STARD13: variants seen among roughly 807,000 people sequenced by gnomAD.
STARD13 encodes the protein StAR related lipid transfer domain containing 13, also known as stAR-related lipid transfer protein 13.
Under a neutral mutation model 106.4 loss-of-function variants are expected in STARD13, and 62 were observed. The ratio of observed to expected loss-of-function variants is 0.58; its 90% confidence interval spans 0.48 to 0.72. The LOEUF is 0.72. Among genes scored for constraint, STARD13 ranks in the 30% least tolerant of loss-of-function variants. The pLI is 0.00. For synonymous variants in STARD13, 565 were observed against 553.0 expected (o/e 1.02, Z -0.31); for missense variants, 1,387 against 1,424.0 (o/e 0.97, Z 0.42).
chr13:33,386,857 C>T, the STARD13 span, among the ~76,000 whole-genome samples: 5 of 152,034 alleles, frequency 3.3e-5, no homozygotes, highest in Non-Finnish European at 7.4e-5. Context: ...ACCTGCCCTC[C>T]TCACTCTTCT....
At chr13:33,181,271 TACAC>T (rs59405682) in intron 1 of STARD13, among the ~76,000 whole-genome samples, 3 of 142,274 alleles carry the variant, frequency 2.1e-5, no homozygotes, top group Non-Finnish European at 1.5e-5. Flanking sequence ...CACACATACA[TACAC>T]ACACACACAC....
the STARD13 span, among the ~76,000 whole-genome samples, chr13:33,434,508 G>A: frequency 0.016 from 2,376 of 152,202 alleles, 62 homozygotes; most frequent in African/African-American, 0.053. Flanking sequence ...ATATAGGGTT[G>A]TTTTGAGGAC....
the STARD13 span, among the ~76,000 whole-genome samples, chr13:33,633,707 A>T: frequency 6.6e-6 from 1 of 152,214 alleles, no homozygotes; most frequent in Non-Finnish European, 1.5e-5. Context: ...AGGTTTTTTT[A>T]TTCAACAATT....
chr13:33,443,160 C>T, the STARD13 span, among the ~76,000 whole-genome samples: 3 of 152,064 alleles, frequency 2.0e-5, no homozygotes, highest in East Asian at 5.8e-4. Context: ...GGGCGGATCA[C>T]AAGGTCAGGA....
chr13:33,498,438 T>G, the STARD13 span, among the ~76,000 whole-genome samples: 9 of 152,204 alleles, frequency 5.9e-5, no homozygotes, highest in Non-Finnish European at 1.3e-4. Context: ...AATTCGACTT[T>G]TTAAAATATT....
the STARD13 span, among the ~76,000 whole-genome samples, chr13:33,526,448 T>C: frequency 6.6e-6 from 1 of 152,266 alleles, no homozygotes; most frequent in East Asian, 1.9e-4. Flanking sequence ...TCAATACATA[T>C]TTGTTAAATG....
upstream of STARD13, chr13:33,350,679 C>T (rs2078069374): frequency 1.7e-6 from 2 of 1,162,158 alleles, no homozygotes; most frequent in Non-Finnish European, 2.1e-6. Flanking sequence ...TTTCCTTCTC[C>T]TCCCCTCCTC....
At chr13:33,483,688 T>A in the STARD13 span, among the ~76,000 whole-genome samples, 1 of 152,164 alleles carries the variant, frequency 6.6e-6, no homozygotes, top group Non-Finnish European at 1.5e-5. Context: ...TAGTTACATT[T>A]CTTCCCCCAC....
At chr13:33,212,365 C>T (rs1015300575) in intron 1 of STARD13, among the ~76,000 whole-genome samples, 1 of 152,172 alleles carries the variant, frequency 6.6e-6, no homozygotes. Flanking sequence ...GCATGCCTGC[C>T]TTGTTTTCTA....
intron 1 of STARD13, chr13:33,274,091 TC>T (rs1358067393): frequency 2.4e-4 from 3 of 12,414 alleles, no homozygotes; most frequent in African/African-American, 4.3e-4. Context: ...AATCAGTCTG[TC>T]TTTTTTTTTT....
At chr13:33,243,050 G>A (rs906011853) in intron 1 of STARD13, among the ~76,000 whole-genome samples, 3 of 152,168 alleles carry the variant, frequency 2.0e-5, no homozygotes, top group Admixed American at 6.5e-5. Context: ...CTTCCTGGAT[G>A]ATGTGGCTAC....
chr13:33,287,758 T>C (rs144441600), upstream of STARD13, among the ~76,000 whole-genome samples: 3 of 152,300 alleles, frequency 2.0e-5, no homozygotes, highest in Admixed American at 6.5e-5. Context: ...TGGGAGCATC[T>C]GTGTCATAAC....
At chr13:33,472,522 C>A in the STARD13 span, among the ~76,000 whole-genome samples, 1 of 152,126 alleles carries the variant, frequency 6.6e-6, no homozygotes, top group Non-Finnish European at 1.5e-5. Context: ...GTAGTACCCT[C>A]CCCTCAGTTG....
the STARD13 span, among the ~76,000 whole-genome samples, chr13:33,573,254 A>G: frequency 1.3e-4 from 20 of 152,296 alleles, no homozygotes; most frequent in African/African-American, 3.6e-4. Flanking sequence ...ATTGATATCT[A>G]TATAGAAAAA....
the STARD13 span, among the ~76,000 whole-genome samples, chr13:33,660,280 TGTTA>T: frequency 6.6e-6 from 1 of 152,364 alleles, no homozygotes; most frequent in Non-Finnish European, 1.5e-5. Flanking sequence ...CTATTATCTG[TGTTA>T]GTTGTCATAG....
At chr13:33,436,603 C>T in the STARD13 span, among the ~76,000 whole-genome samples, 3 of 152,122 alleles carry the variant, frequency 2.0e-5, no homozygotes, top group African/African-American at 7.2e-5. Context: ...AAGGCCACAG[C>T]ATAATAGGCA....
the STARD13 span, among the ~76,000 whole-genome samples, chr13:33,613,900 C>T: frequency 1.3e-5 from 2 of 152,048 alleles, no homozygotes; most frequent in Non-Finnish European, 2.9e-5. Context: ...GAGATCTCAA[C>T]CCAGGCAGCA....
chr13:33,489,274 A>G, the STARD13 span, among the ~76,000 whole-genome samples: 1 of 152,234 alleles, frequency 6.6e-6, no homozygotes, highest in Non-Finnish European at 1.5e-5. Context: ...TATATAATCT[A>G]TATGTAGTCA....
At chr13:33,295,675 T>C (rs1055947249) in intron 1 of STARD13, among the ~76,000 whole-genome samples, 19 of 151,980 alleles carry the variant, frequency 1.3e-4, no homozygotes, top group African/African-American at 4.4e-4. Context: ...GCGTTGCTGG[T>C]GCTATGACAG....
Sources: allele counts gnomAD v4.1 joint callset (sites outside exome capture counted in the v4.1 genomes callset), GRCh38; gene constraint gnomAD v4.1.1; transcripts MANE v1.5; gene names NCBI Gene and HGNC (gene_info 2026-07-23, HGNC 2026-07-21).